Variants in KLHL6 observed in about 807,000 individuals in gnomAD.
The protein encoded by KLHL6 is kelch-like protein 6.
In KLHL6, 41 loss-of-function variants were observed where a neutral mutation model predicts 58.6. That is an observed-to-expected ratio of 0.70 (90% CI 0.55 to 0.91). The LOEUF is 0.91. Ranked by LOEUF, KLHL6 falls within the 40% of genes least tolerant of loss-of-function variation. KLHL6 has a pLI of 0.00. For synonymous variants in KLHL6, 338 were observed against 322.7 expected, an observed-to-expected ratio of 1.05 and a Z score of -0.51; for missense variants, 714 against 805.6, an observed-to-expected ratio of 0.89 and a Z score of 1.38.
intron 2 of KLHL6, chr3:183,522,799 T>TTTTGTTTG (rs556091853): frequency 6.6e-6 from 1 of 152,106 alleles, no homozygotes; most frequent in African/African-American, 2.4e-5. Context: ...TTGGGCAGTT[T>TTTTGTTTG]TTTGTTTGTT....
At chr3:183,527,211 A>T (rs890853399) in intron 2 of KLHL6, among the ~76,000 whole-genome samples, 1 of 152,190 alleles carries the variant, frequency 6.6e-6, no homozygotes, top group Non-Finnish European at 1.5e-5. Context: ...GGGAAAGGCT[A>T]AAAATGCACA....
At chr3:183,532,708 A>G (rs1171823772) in intron 1 of KLHL6, among the ~76,000 whole-genome samples, 1 of 152,202 alleles carries the variant, frequency 6.6e-6, no homozygotes, top group Non-Finnish European at 1.5e-5. Flanking sequence ...GTTGAAGCTC[A>G]GGGGACAGGA....
At chr3:183,497,691 G>C (rs994509937) in intron 4 of KLHL6, among the ~76,000 whole-genome samples, 3 of 152,140 alleles carry the variant, frequency 2.0e-5, no homozygotes, top group African/African-American at 7.2e-5. Context: ...GCCATGTGTA[G>C]GAAGAGGCAG....
intron 2 of KLHL6, among the ~76,000 whole-genome samples, chr3:183,512,648 C>T (rs1375501928): frequency 1.3e-5 from 2 of 152,014 alleles, no homozygotes; most frequent in Admixed American, 6.6e-5. Flanking sequence ...TGTGCCACCA[C>T]ACCCAGCTAA....
intron 3 of KLHL6, among the ~76,000 whole-genome samples, chr3:183,505,952 G>A (rs937375889): frequency 6.6e-6 from 1 of 152,166 alleles, no homozygotes; most frequent in African/African-American, 2.4e-5. Flanking sequence ...ACATTTAAGG[G>A]TATGTTTGCA....
intron 1 of KLHL6, among the ~76,000 whole-genome samples, chr3:183,529,559 C>T (rs540249918): frequency 5.5e-4 from 83 of 151,740 alleles, no homozygotes; most frequent in African/African-American, 1.8e-3. Flanking sequence ...GGTGGGGGAC[C>T]GGGGGTGGGG....
intron 2 of KLHL6, among the ~76,000 whole-genome samples, chr3:183,509,455 G>A (rs980820734): frequency 3.1e-4 from 47 of 152,200 alleles, no homozygotes; most frequent in African/African-American, 9.9e-4. Context: ...GAAGATGAAA[G>A]GATGTAGGTC....
intron 1 of KLHL6, among the ~76,000 whole-genome samples, chr3:183,548,408 AG>A (rs745819319): frequency 3.5e-4 from 53 of 152,222 alleles, no homozygotes; most frequent in Middle Eastern, 6.8e-3. Flanking sequence ...TGCATAGAAA[AG>A]CTTCCAGGCT....
intron 2 of KLHL6, 82 bp from the exon 3 acceptor site, chr3:183,508,590 C>A (rs7637137): frequency 0.34 from 429,733 of 1,264,616 alleles, 77,686 homozygotes; most frequent in East Asian, 0.6. Flanking sequence ...TGTGTATTAG[C>A]CAAAAATTGG....
intron 2 of KLHL6, among the ~76,000 whole-genome samples, chr3:183,510,541 T>C (rs1368598011): frequency 6.6e-6 from 1 of 152,136 alleles, no homozygotes; most frequent in Non-Finnish European, 1.5e-5. Context: ...TGCAAAATAT[T>C]ATCTTTCTGT....
rs147915589 is a variant in KLHL6 at position 183,499,170 on chromosome 3, C to T, written c.1147+420G>A. 0.011 allele frequency among the ~76,000 whole-genome samples: 1,610 copies of T among 152,116 alleles called. 35 individuals are homozygous for T. The highest frequency in any genetic ancestry group is 0.037 in the African/African-American group (1,517 of 41,480). Reference sequence around the variant, plus strand: ...CAGCCTGGCCAACATGGTGAAACCCCGTCTCTACTAAAAGTACAAAAATTA... The same window carrying T: ...CAGCCTGGCCAACATGGTGAAACCCTGTCTCTACTAAAAGTACAAAAATTA... On this transcript the variant is annotated intron_variant, in intron 4 of 6. Coordinates refer to ENST00000341319, the MANE Select transcript of KLHL6 (RefSeq NM_130446.4). The surrounding 1 kb of genome is among the most constrained non-coding windows in gnomAD (Gnocchi z 4.6).
chr3:183,503,015 C>T (rs578073535), intron 3 of KLHL6, among the ~76,000 whole-genome samples: 2 of 152,220 alleles, frequency 1.3e-5, no homozygotes, highest in South Asian at 4.1e-4. Context: ...AAAATACTAA[C>T]CCCAAAGCCA....
At chr3:183,550,689 G>T (rs543379781) in intron 1 of KLHL6, among the ~76,000 whole-genome samples, 1 of 152,204 alleles carries the variant, frequency 6.6e-6, no homozygotes, top group African/African-American at 2.4e-5. Context: ...CCAGCTACTT[G>T]GGGGGCTGAG....
rs749667823 is a variant in KLHL6, at chr3:183,492,507, G to A, written c.1551C>T (p.Arg517=). 5.6e-6 allele frequency: 9 copies of A among 1,614,074 alleles called. No individual in the cohort carries two copies. In the African/African-American group the frequency reaches 1.1e-4, roughly 19 times the overall value. ...KCINAVSFRD[R]IYVVGGAMRA... ...GCCATTACTCACCAACGACATAGAT[G>A]CGGTCCCGGAAACTCACTGCATTGA... The change falls in exon 6 of 7, where the codon CGC becomes CGT. Residue 517 remains arginine, a synonymous_variant. Coordinates refer to ENST00000341319, the MANE Select transcript of KLHL6 (RefSeq NM_130446.4). This position sits in a 1 kb window ranked among gnomAD's most constrained non-coding sequence, Gnocchi z 5.9.
rs750445260 is a variant in KLHL6, at chr3:183,491,904, C to T, written c.*23G>A. On this transcript the variant is annotated 3_prime_UTR_variant, in exon 7 of 7. Transcript: ENST00000341319. Reference sequence around the variant, plus strand: ...GCGGGTACGCTGAGGGTCGGGGGGGCTCTCCAGCTCCCCATCCTGCCGTCA... The same window carrying T: ...GCGGGTACGCTGAGGGTCGGGGGGGTTCTCCAGCTCCCCATCCTGCCGTCA... 2 of 1,453,716 alleles carry T rather than the reference C, an allele frequency of 1.4e-6. No individual in the cohort carries two copies. Among genetic ancestry groups the T allele is most frequent in the African/African-American group, 2.9e-5 (2 of 69,888 alleles). 90.1% of individuals were successfully genotyped at this position (1,453,716 alleles called of 1,614,324 possible).
chr3:183,539,842 C>T (rs535378655), intron 1 of KLHL6, among the ~76,000 whole-genome samples: 148 of 152,320 alleles, frequency 9.7e-4, no homozygotes, highest in African/African-American at 3.4e-3. Context: ...AGAATCCCTC[C>T]AAGTCCCACC....
At position 183,499,337 on chromosome 3, in the gene KLHL6, C is replaced by A. The variant is rs543544575; in HGVS notation, c.1147+253G>T. Among the ~76,000 whole-genome samples the A allele has an allele frequency of 3.4e-4, 48 of 142,696 alleles. No individual in the cohort carries two copies. Among genetic ancestry groups the A allele is most frequent in the African/African-American group, 1.1e-3 (46 of 40,740 alleles). The allele number at this position is 142,696 out of a possible 152,430, so 93.6% of individuals were successfully genotyped here. A position where few individuals can be genotyped will look rare whatever the true frequency, so the allele number is the denominator to read the frequency against. ...CTCCAGCCTGAGCAACAGAGCGAGA[C>A]GCTGTCTCAAAAAAAAAAGAAAAGA... On this transcript the variant is annotated intron_variant, in intron 4 of 6. Coordinates refer to ENST00000341319, the MANE Select transcript of KLHL6 (RefSeq NM_130446.4). This position sits in a 1 kb window ranked among gnomAD's most constrained non-coding sequence, Gnocchi z 4.6.
Position 183,498,806 on chromosome 3 carries a change from G to A in KLHL6, c.1147+784C>T, listed in dbSNP as rs533943236. On this transcript the variant is annotated intron_variant, in intron 4 of 6. Transcript: ENST00000341319. ...ATGGGAAAGGCAGACACAAAGTAAC[G>A]ATCAATACTGAAGCAAACACTTTCG... is the stretch of plus-strand genomic sequence containing the variant. 2.8e-4 allele frequency among the ~76,000 whole-genome samples: 42 copies of A among 152,256 alleles called. 1 individual carries two copies. In the South Asian group the frequency reaches 7.9e-3, roughly 29 times the overall value.
intron 2 of KLHL6, among the ~76,000 whole-genome samples, chr3:183,519,039 T>TCGC (rs1174959527): frequency 1.3e-5 from 2 of 152,296 alleles, no homozygotes; most frequent in African/African-American, 4.8e-5. Context: ...TGTGCCTTGA[T>TCGC]CGCCGAGCTG....
Sources: gnomAD v4.1 joint callset for allele counts (sites outside exome capture counted in the v4.1 genomes callset) on GRCh38, gnomAD v4.1.1 for gene constraint, Gnocchi (gnomAD v3.1) non-coding constraint, MANE v1.5 for transcripts, NCBI Gene and HGNC (gene_info 2026-07-23, HGNC 2026-07-21) for gene names.